MRTFA: variants seen among roughly 807,000 people sequenced by gnomAD.
MRTFA encodes myocardin related transcription factor A.
Under a neutral mutation model 83.5 loss-of-function variants are expected in MRTFA, and 20 were observed. The ratio of observed to expected loss-of-function variants is 0.24; its 90% CI spans 0.17 to 0.35. The LOEUF is 0.35. Among genes scored for constraint, MRTFA ranks in the 10% least tolerant of loss-of-function variants. The probability of loss-of-function intolerance (pLI) is 1.00; values close to 1 mark genes in which losing one functional copy is unlikely to be tolerated. For synonymous variants in MRTFA, 659 were observed against 541.2 expected, an observed-to-expected ratio of 1.22 and a Z score of -3.02; for missense variants, 1,200 against 1,224.7, an observed-to-expected ratio of 0.98 and a Z score of 0.30.
chr22:40,536,544 A>C (rs1369005145), intron 3 of MRTFA, among the ~76,000 whole-genome samples: 1 of 116,808 alleles, frequency 8.6e-6, no homozygotes, highest in Non-Finnish European at 1.8e-5. Context: ...GGAAGTGAGG[A>C]GTGTCTCTGC....
intron 2 of MRTFA, among the ~76,000 whole-genome samples, chr22:40,567,713 G>A (rs995133587): frequency 3.3e-5 from 5 of 152,104 alleles, no homozygotes; most frequent in Admixed American, 6.6e-5. Flanking sequence ...TATTAACTTT[G>A]GAATGAAAAA....
intron 3 of MRTFA, among the ~76,000 whole-genome samples, chr22:40,527,506 C>T (rs1198870920): frequency 6.6e-6 from 1 of 151,558 alleles, no homozygotes; most frequent in Admixed American, 6.6e-5. Context: ...GTCTGTAATC[C>T]CAGCACTTTG....
chr22:40,420,865 A>G lies in MRTFA; in HGVS notation c.1163T>C (p.Ile388Thr). The change falls in exon 10 of 15, where the codon ATC becomes ACC. Residue 388 changes from isoleucine to threonine, a missense_variant. By Grantham distance (89) the Ile-to-Thr change is moderately conservative. Transcript: ENST00000355630. Reference sequence around the variant, plus strand: ...TGCCTACTTTGGCGGGGCAGGCAGGATGGCCTGGTAGTTGTGGTGCTGCTG... The same window carrying G: ...TGCCTACTTTGGCGGGGCAGGCAGGGTGGCCTGGTAGTTGTGGTGCTGCTG... 1 of 1,613,690 alleles carries G rather than the reference A, an allele frequency of 6.2e-7. No individual in the cohort carries two copies.
chr22:40,498,778 G>C (rs952979183), intron 3 of MRTFA, among the ~76,000 whole-genome samples: 15 of 152,150 alleles, frequency 9.9e-5, no homozygotes, highest in African/African-American at 3.6e-4. Flanking sequence ...ACAGTGGCTA[G>C]GAATTTGCAC....
At chr22:40,412,402 A>G (rs1338383843) in intron 14 of MRTFA, 2 of 152,346 alleles carry the variant, frequency 1.3e-5, no homozygotes, top group Non-Finnish European at 2.9e-5. Flanking sequence ...GCTGCTATGA[A>G]AAACAGTATG....
intron 11 of MRTFA, 26 bp from the exon 12 acceptor site, chr22:40,419,410 G>A (rs754619995): frequency 6.2e-7 from 1 of 1,607,548 alleles, no homozygotes; most frequent in South Asian, 1.1e-5. Flanking sequence ...GAGTCAGGGA[G>A]GCCAGGGGCA....
chr22:40,436,826 A>G (rs1267109597), intron 4 of MRTFA, among the ~76,000 whole-genome samples: 1 of 152,152 alleles, frequency 6.6e-6, no homozygotes, highest in Non-Finnish European at 1.5e-5. Flanking sequence ...AACTTTTGCT[A>G]GGCTGCTGGC....
chr22:40,577,366 G>C (rs1396148557), intron 2 of MRTFA, among the ~76,000 whole-genome samples: 1 of 151,644 alleles, frequency 6.6e-6, no homozygotes, highest in Non-Finnish European at 1.5e-5. Flanking sequence ...TTTGGAATGA[G>C]AGAAAGCACA....
At chr22:40,481,710 G>C (rs1159479533) in intron 3 of MRTFA, among the ~76,000 whole-genome samples, 2 of 152,084 alleles carry the variant, frequency 1.3e-5, no homozygotes, top group Non-Finnish European at 2.9e-5. Context: ...ATAAGAAATT[G>C]CAAGTGCAAA....
intron 2 of MRTFA, among the ~76,000 whole-genome samples, chr22:40,593,059 C>G (rs972710622): frequency 6.6e-6 from 1 of 152,066 alleles, no homozygotes; most frequent in Non-Finnish European, 1.5e-5. Flanking sequence ...TCTCCTGCAC[C>G]AACTTCAGCA....
intron 3 of MRTFA, among the ~76,000 whole-genome samples, chr22:40,518,433 A>AC (rs2054797707): frequency 6.6e-6 from 1 of 151,684 alleles, no homozygotes; most frequent in South Asian, 2.1e-4. Flanking sequence ...AGGGAAAAAA[A>AC]AAAACAAAAC....
chr22:40,626,297 G>GT (rs1390007158), intron 1 of MRTFA, among the ~76,000 whole-genome samples: 3 of 148,946 alleles, frequency 2.0e-5, no homozygotes, highest in South Asian at 2.1e-4. Context: ...AGATTTACTC[G>GT]TTTTTTTTGA....
intron 4 of MRTFA, among the ~76,000 whole-genome samples, chr22:40,437,817 T>C (rs1386445440): frequency 6.6e-6 from 1 of 151,432 alleles, no homozygotes; most frequent in Admixed American, 6.6e-5. Context: ...ACTCTCAGTC[T>C]CCCACGTTTA....
At chr22:40,531,421 C>G (rs1766389883) in intron 3 of MRTFA, among the ~76,000 whole-genome samples, 1 of 151,892 alleles carries the variant, frequency 6.6e-6, no homozygotes, top group Admixed American at 6.6e-5. Context: ...ATGAACATGT[C>G]TCACCAAAAC....
At chr22:40,544,951 TA>T (rs1352931623) in intron 3 of MRTFA, among the ~76,000 whole-genome samples, 1 of 149,734 alleles carries the variant, frequency 6.7e-6, no homozygotes, top group Non-Finnish European at 1.5e-5. Flanking sequence ...AATAAATAAA[TA>T]AAATAAATAT....
intron 2 of MRTFA, among the ~76,000 whole-genome samples, chr22:40,591,591 G>C (rs1424277481): frequency 6.6e-6 from 1 of 152,268 alleles, no homozygotes; most frequent in African/African-American, 2.4e-5. Context: ...TGGGGTATTG[G>C]AAATGTAATA....
chr22:40,598,223 G>A lies in MRTFA; in HGVS notation c.-83-3488C>T, dbSNP rs969898973. ...CCCCGCCCCTCCCCAGCCTCCTAGA[G>A]AATGGATCTTGAAATTGATTGCTAC... On this transcript the variant is annotated intron_variant, in intron 1 of 14. Transcript: ENST00000355630. 2.7e-5 allele frequency among the ~76,000 whole-genome samples: 4 copies of A among 150,576 alleles called. No individual in the cohort carries two copies. The South Asian group carries it at 6.3e-4, about 24-fold the overall frequency.
chr22:40,519,541 G>T (rs940705615), intron 3 of MRTFA: 3 of 1,350,868 alleles, frequency 2.2e-6, no homozygotes, highest in Non-Finnish European at 2.9e-6. Flanking sequence ...TGTCCAAACT[G>T]GCTCAAAGCA....
intron 2 of MRTFA, among the ~76,000 whole-genome samples, chr22:40,558,919 G>A (rs1385247819): frequency 6.6e-6 from 1 of 151,640 alleles, no homozygotes; most frequent in African/African-American, 2.4e-5. Flanking sequence ...CCGAGTAGCT[G>A]GGATTACAGG....
Sources: gnomAD v4.1 joint callset for allele counts (sites outside exome capture counted in the v4.1 genomes callset) on GRCh38, gnomAD v4.1.1 for gene constraint, MANE v1.5 for transcripts, NCBI Gene and HGNC (gene_info 2026-07-23, HGNC 2026-07-21) for gene names.